Variants in DAB1 observed in about 807,000 individuals in gnomAD.
The protein encoded by DAB1 is disabled homolog 1.
A neutral mutation model predicts 64.6 loss-of-function variants in DAB1; 15 were observed. The observed-to-expected ratio is 0.23, with a 90% confidence interval of 0.16 to 0.36. DAB1 has a LOEUF of 0.36. Ranked by LOEUF, DAB1 falls within the 10% of genes least tolerant of loss-of-function variation. DAB1 has a pLI of 1.00. For missense variants in DAB1, 596 were observed against 706.7 expected, an observed-to-expected ratio of 0.84 and a Z score of 1.78; for synonymous variants, 235 against 251.9, an observed-to-expected ratio of 0.93 and a Z score of 0.64.
rs150609687 is a variant in DAB1 at position 57,296,800 on chromosome 1, G to A, written c.-136-5634C>T. On this transcript the variant is annotated intron_variant, in intron 1 of 14. Transcript: ENST00000371236. Reference sequence around the variant, plus strand: ...TGGTAAACACAAAGGGAGTGCTGGAGTTATCAAATCAACATTTTGCAGCCA... The same window carrying A: ...TGGTAAACACAAAGGGAGTGCTGGAATTATCAAATCAACATTTTGCAGCCA... 2.5e-3 allele frequency among the ~76,000 whole-genome samples: 387 copies of A among 152,274 alleles called. 1 individual carries two copies. The highest frequency in any genetic ancestry group is 9.0e-3 in the African/African-American group (374 of 41,548).
chr1:58,483,755 GATTTGCACTGAGACATCAGGC>G (rs1645528272), intron 3 of DAB1, among the ~76,000 whole-genome samples: 2 of 152,344 alleles, frequency 1.3e-5, no homozygotes, highest in South Asian at 4.1e-4. Flanking sequence ...ATGCTAGCAA[GATTTGCACTGAGACATCAGGC>G]ATGAGCCATG....
intron 2 of DAB1, among the ~76,000 whole-genome samples, chr1:58,514,811 A>C (rs965250456): frequency 1.3e-5 from 2 of 152,190 alleles, no homozygotes; most frequent in African/African-American, 4.8e-5. Context: ...TCCAGCAGGC[A>C]AATATAAGAT....
intron 5 of DAB1, among the ~76,000 whole-genome samples, chr1:58,012,356 T>C (rs562077562): frequency 2.0e-4 from 30 of 152,188 alleles, no homozygotes; most frequent in African/African-American, 6.5e-4. Flanking sequence ...GGGACTCAGG[T>C]TGCCTTCATT....
chr1:58,415,791 T>C (rs1017566320), intron 3 of DAB1, among the ~76,000 whole-genome samples: 4 of 152,194 alleles, frequency 2.6e-5, no homozygotes, highest in Non-Finnish European at 4.4e-5. Flanking sequence ...TGCTGCCTGC[T>C]GAAAAAGCAC....
intron 4 of DAB1, among the ~76,000 whole-genome samples, chr1:57,082,009 G>C (rs140571770): frequency 5.5e-4 from 83 of 152,202 alleles, no homozygotes; most frequent in Middle Eastern, 3.4e-3. Context: ...TCCTAGCACT[G>C]TTCACCAAAA....
chr1:57,793,807 G>A (rs1406412988), intron 6 of DAB1, among the ~76,000 whole-genome samples: 1 of 152,176 alleles, frequency 6.6e-6, no homozygotes, highest in Non-Finnish European at 1.5e-5. Flanking sequence ...AAATCACTAG[G>A]CTTTTAGTAA....
At position 57,071,717 on chromosome 1, in the gene DAB1, G is replaced by A. The variant is rs866390779; in HGVS notation, c.439-76C>T. 3.9e-5 allele frequency: 54 copies of A among 1,385,396 alleles called. No homozygotes were observed. The Middle Eastern group carries it at 5.3e-4, about 14-fold the overall frequency. 85.8% of individuals were successfully genotyped at this position (1,385,396 alleles called of 1,614,324 possible). ...AGCAACAAATTTTTGTTTTTGCGGC[G>A]ACAACCCGCAGCCCTTCCTTTTTCT... On this transcript the variant is annotated intron_variant, in intron 5 of 14. Coordinates refer to ENST00000371236, the MANE Select transcript of DAB1 (RefSeq NM_001365792.1).
chr1:57,400,724 T>C (rs1683174586), intron 1 of DAB1, among the ~76,000 whole-genome samples: 1 of 151,920 alleles, frequency 6.6e-6, no homozygotes, highest in African/African-American at 2.4e-5. Flanking sequence ...TGCATTACCA[T>C]CTAGTAATGC....
chr1:58,066,284 C>T (rs1030239378), intron 5 of DAB1, among the ~76,000 whole-genome samples: 2 of 152,130 alleles, frequency 1.3e-5, no homozygotes, highest in Non-Finnish European at 2.9e-5. Context: ...ACACACCAGC[C>T]AGGGGTAGGG....
At chr1:58,063,260 C>T (rs1380723407) in intron 5 of DAB1, among the ~76,000 whole-genome samples, 1 of 152,098 alleles carries the variant, frequency 6.6e-6, no homozygotes, top group African/African-American at 2.4e-5. Flanking sequence ...GTTAAAATGG[C>T]CTTGGGGTAC....
At chr1:57,319,334 C>T (rs779355575) in intron 1 of DAB1, among the ~76,000 whole-genome samples, 3 of 152,116 alleles carry the variant, frequency 2.0e-5, no homozygotes, top group Non-Finnish European at 4.4e-5. Context: ...AGATTTGGGT[C>T]AGAGTCAGCA....
At chr1:57,339,368 G>A (rs1282675838) in intron 1 of DAB1, among the ~76,000 whole-genome samples, 1 of 151,954 alleles carries the variant, frequency 6.6e-6, no homozygotes, top group Non-Finnish European at 1.5e-5. Context: ...GTGTTAGCCA[G>A]GATGGTCTCG....
intron 5 of DAB1, among the ~76,000 whole-genome samples, chr1:58,062,973 A>G (rs1648597330): frequency 6.6e-6 from 1 of 152,240 alleles, no homozygotes; most frequent in Admixed American, 6.5e-5. Context: ...TTTATCAACC[A>G]ACTTATTTAT....
At chr1:57,871,250 G>A (rs1643944109) in intron 1 of DAB1, among the ~76,000 whole-genome samples, 1 of 149,266 alleles carries the variant, frequency 6.7e-6, no homozygotes, top group Non-Finnish European at 1.5e-5. Context: ...GACAGAAATA[G>A]ATATAACTAT....
At chr1:57,608,313 A>C (rs894610575) in intron 7 of DAB1, among the ~76,000 whole-genome samples, 1 of 152,164 alleles carries the variant, frequency 6.6e-6, no homozygotes, top group African/African-American at 2.4e-5. Flanking sequence ...CAGCTCTGAC[A>C]ATCTATGATT....
chr1:57,877,970 A>G (rs373720771), intron 1 of DAB1, among the ~76,000 whole-genome samples: 2 of 152,220 alleles, frequency 1.3e-5, no homozygotes, highest in African/African-American at 4.8e-5. Context: ...CCTGCTATGT[A>G]GAGAGGTTCA....
At chr1:57,798,824 C>G (rs1376623335) in intron 6 of DAB1, among the ~76,000 whole-genome samples, 1 of 152,116 alleles carries the variant, frequency 6.6e-6, no homozygotes, top group Non-Finnish European at 1.5e-5. Context: ...TCTTGTGTTC[C>G]TTCTGTTATC....
chr1:57,226,670 A>AT (rs1553158272), intron 2 of DAB1, among the ~76,000 whole-genome samples: 2 of 119,504 alleles, frequency 1.7e-5, no homozygotes, highest in East Asian at 2.9e-4. Flanking sequence ...GGTTAAAAAA[A>AT]AAATATATAT....
intron 7 of DAB1, among the ~76,000 whole-genome samples, chr1:57,544,856 G>A (rs1405767415): frequency 2.6e-5 from 4 of 152,164 alleles, no homozygotes; most frequent in Admixed American, 2.0e-4. Context: ...CTTTCCACCC[G>A]TGATTGTAAG....
Sources: allele counts gnomAD v4.1 joint callset (sites outside exome capture counted in the v4.1 genomes callset), GRCh38; gene constraint gnomAD v4.1.1; transcripts MANE v1.5; gene names NCBI Gene and HGNC (gene_info 2026-07-23, HGNC 2026-07-21).